ME1: variants seen among roughly 807,000 people sequenced by gnomAD.
ME1 encodes NADP-dependent malic enzyme.
A neutral mutation model predicts 66.4 loss-of-function variants in ME1; 74 were observed. That is an observed-to-expected ratio of 1.11 (90% CI 0.92 to 1.35). The LOEUF (loss-of-function observed/expected upper bound fraction) is 1.35, where lower values mean the gene tolerates loss of function less well. Among genes scored for constraint, ME1 ranks in the 40% most tolerant of loss-of-function variants. The probability of loss-of-function intolerance (pLI) is 0.00; values close to 1 mark genes in which losing one functional copy is unlikely to be tolerated. For missense variants in ME1, 750 were observed against 694.1 expected, an observed-to-expected ratio of 1.08 and a Z score of -0.90; for synonymous variants, 251 against 235.6, an observed-to-expected ratio of 1.07 and a Z score of -0.60.
At chr6:83,393,429 C>T (rs2128550110) in intron 3 of ME1, 1 of 618,718 alleles carries the variant, frequency 1.6e-6, no homozygotes. Context: ...ACCACCAGCC[C>T]CAGCGACAGC....
chr6:83,358,061 G>A (rs1001726413), intron 3 of ME1, among the ~76,000 whole-genome samples: 1 of 148,232 alleles, frequency 6.7e-6, no homozygotes, highest in African/African-American at 2.5e-5. Flanking sequence ...ACAGATTTTG[G>A]TATAAGGAGT....
chr6:83,240,350 T>C (rs1208164112), intron 7 of ME1, among the ~76,000 whole-genome samples: 3 of 152,112 alleles, frequency 2.0e-5, no homozygotes, highest in South Asian at 2.1e-4. Context: ...TTTTTACCTA[T>C]GAAAATCACT....
chr6:83,259,274 A>T (rs1160978503), intron 6 of ME1, among the ~76,000 whole-genome samples: 1 of 152,186 alleles, frequency 6.6e-6, no homozygotes, highest in East Asian at 1.9e-4. Flanking sequence ...AGCAGCAAAT[A>T]AGAAACATGG....
chr6:83,261,843 GTC>G (rs1004804417), intron 6 of ME1, among the ~76,000 whole-genome samples: 4 of 151,862 alleles, frequency 2.6e-5, no homozygotes, highest in Middle Eastern at 3.4e-3. Context: ...GTGAAACCCT[GTC>G]TCTACTAAAA....
intron 3 of ME1, among the ~76,000 whole-genome samples, chr6:83,392,027 G>C (rs1769631883): frequency 6.6e-6 from 1 of 152,030 alleles, no homozygotes. Context: ...TCTTCTTTTG[G>C]AATATATGCA....
chr6:83,213,085 T>G (rs1789926771), intron 13 of ME1, among the ~76,000 whole-genome samples: 1 of 149,222 alleles, frequency 6.7e-6, no homozygotes, highest in South Asian at 2.1e-4. Flanking sequence ...CAGGTTGGAG[T>G]GCAGTGGCAC....
intron 1 of ME1, among the ~76,000 whole-genome samples, chr6:83,413,010 C>T (rs1315324928): frequency 6.6e-6 from 1 of 152,116 alleles, no homozygotes; most frequent in Non-Finnish European, 1.5e-5. Context: ...AATTCAGTAA[C>T]TAATATTCTC....
chr6:83,269,568 T>G (rs1767050376), intron 6 of ME1, among the ~76,000 whole-genome samples: 1 of 152,166 alleles, frequency 6.6e-6, no homozygotes, highest in Admixed American at 6.5e-5. Context: ...TGGCTTTCCC[T>G]CCTGAAATGC....
chr6:83,319,612 T>A (rs1768114707), intron 5 of ME1, among the ~76,000 whole-genome samples: 1 of 152,170 alleles, frequency 6.6e-6, no homozygotes, highest in African/African-American at 2.4e-5. Flanking sequence ...ATTCAGCTGC[T>A]AATACAGATC....
At chr6:83,389,373 A>C (rs1461049021) in intron 3 of ME1, among the ~76,000 whole-genome samples, 1 of 152,212 alleles carries the variant, frequency 6.6e-6, no homozygotes, top group Non-Finnish European at 1.5e-5. Context: ...CATTAAATCT[A>C]AATAGCATGA....
intron 1 of ME1, among the ~76,000 whole-genome samples, chr6:83,418,084 T>A (rs1770195841): frequency 6.6e-6 from 1 of 152,218 alleles, no homozygotes; most frequent in Non-Finnish European, 1.5e-5. Flanking sequence ...AAGATGGCTT[T>A]CTTGCTTCAG....
At chr6:83,266,272 T>A (rs180718810) in intron 6 of ME1, among the ~76,000 whole-genome samples, 2 of 152,324 alleles carry the variant, frequency 1.3e-5, no homozygotes, top group Non-Finnish European at 2.9e-5. Context: ...AAAGCCAATA[T>A]CCATTCTTAG....
chr6:83,269,280 TATATAATAC>T (rs1327537292), intron 6 of ME1, among the ~76,000 whole-genome samples: 1 of 152,194 alleles, frequency 6.6e-6, no homozygotes, highest in African/African-American at 2.4e-5. Flanking sequence ...TACATGCAAG[TATATAATAC>T]ATAGACAAGA....
chr6:83,241,484 T>C (rs1036004347), intron 7 of ME1, among the ~76,000 whole-genome samples: 3 of 152,190 alleles, frequency 2.0e-5, no homozygotes, highest in Admixed American at 1.3e-4. Context: ...CATATGGTTA[T>C]GCTAGATCAC....
chr6:83,221,676 G>C (rs1186160807), intron 12 of ME1, among the ~76,000 whole-genome samples: 1 of 151,828 alleles, frequency 6.6e-6, no homozygotes, highest in African/African-American at 2.4e-5. Flanking sequence ...TGAGAATAGA[G>C]ATACACAGAT....
In ME1 at chr6:83,300,610, C is replaced by CTTTTTTTTTTTT. The variant is rs35205380; in HGVS notation, c.704+14688_704+14699dup. Among the ~76,000 whole-genome samples the CTTTTTTTTTTTT allele has an allele frequency of 4.9e-3, 420 of 84,864 alleles. 4 individuals are homozygous for CTTTTTTTTTTTT. The highest frequency in any genetic ancestry group is 0.022 in the Middle Eastern group (2 of 92). 55.7% of individuals were successfully genotyped at this position (84,864 alleles called of 152,430 possible). On this transcript the variant is annotated intron_variant, in intron 6 of 13. Transcript: ENST00000369705. ...TTCTTTTATTTTCCTTTCTTTCTTTCTTTTTTTTTTTTTTTTTTTTTTTGA... is the reference window on the plus strand; with the variant it reads ...TTCTTTTATTTTCCTTTCTTTCTTTCTTTTTTTTTTTTTTTTTTTTTTTTTTTTTTTTTTTGA...
chr6:83,332,116 T>G (rs1768424523), intron 5 of ME1, among the ~76,000 whole-genome samples: 1 of 152,028 alleles, frequency 6.6e-6, no homozygotes, highest in African/African-American at 2.4e-5. Flanking sequence ...GACTGTGAAA[T>G]AACAGAGGAA....
At chr6:83,253,959 C>A (rs1015004333) in intron 6 of ME1, among the ~76,000 whole-genome samples, 1 of 151,958 alleles carries the variant, frequency 6.6e-6, no homozygotes, top group Non-Finnish European at 1.5e-5. Flanking sequence ...CATAAAATGA[C>A]CAAAATATGT....
intron 6 of ME1, among the ~76,000 whole-genome samples, chr6:83,273,154 G>A (rs1397848418): frequency 7.1e-6 from 1 of 140,438 alleles, no homozygotes; most frequent in Non-Finnish European, 1.5e-5. Context: ...TCCAGCCTGG[G>A]TGACAGAATG....
Sources: allele counts gnomAD v4.1 joint callset (sites outside exome capture counted in the v4.1 genomes callset), GRCh38; gene constraint gnomAD v4.1.1; transcripts MANE v1.5; gene names NCBI Gene and HGNC (gene_info 2026-07-23, HGNC 2026-07-21).